NALCN: variants seen among roughly 807,000 people sequenced by gnomAD.
NALCN encodes the protein sodium leak channel, non-selective, also known as sodium leak channel NALCN.
In NALCN, 111 loss-of-function variants were observed where a neutral mutation model predicts 225.3. The ratio of observed to expected loss-of-function variants is 0.49; its 90% CI spans 0.42 to 0.58. NALCN has a LOEUF of 0.58. Among genes scored for constraint, NALCN ranks in the 20% least tolerant of loss-of-function variants. The pLI is 0.00. For synonymous variants in NALCN, 764 were observed against 769.0 expected (o/e 0.99, Z 0.11); for missense variants, 1,378 against 2,202.4 (o/e 0.63, Z 7.49).
At chr13:101,103,129 G>C (rs9300647) in intron 26 of NALCN, 43 bp downstream of exon 26, 3 of 1,589,542 alleles carry the variant, frequency 1.9e-6, no homozygotes, top group Non-Finnish European at 2.6e-6. Context: ...TGCATTAGAG[G>C]TGGACTACTG....
intron 6 of NALCN, among the ~76,000 whole-genome samples, chr13:101,363,511 T>G: frequency 6.6e-6 from 1 of 152,134 alleles, no homozygotes; most frequent in African/African-American, 2.4e-5. Context: ...CAAATGGTGC[T>G]GGGAAAAATG....
At chr13:101,367,179 C>T (rs2139385408) in intron 6 of NALCN, among the ~76,000 whole-genome samples, 1 of 151,778 alleles carries the variant, frequency 6.6e-6, no homozygotes, top group East Asian at 1.9e-4. Flanking sequence ...ATGGACTCTG[C>T]AGTTGTAGAA....
At chr13:101,365,959 G>A (rs917341521) in intron 6 of NALCN, among the ~76,000 whole-genome samples, 1 of 151,988 alleles carries the variant, frequency 6.6e-6, no homozygotes, top group Non-Finnish European at 1.5e-5. Flanking sequence ...ATTTGATACC[G>A]AGCTATGAAT....
intron 10 of NALCN, among the ~76,000 whole-genome samples, chr13:101,276,097 C>T (rs1193729486): frequency 8.0e-6 from 1 of 124,822 alleles, no homozygotes; most frequent in Admixed American, 8.8e-5. Context: ...AAAAAAGGAA[C>T]AGGCACGAGG....
chr13:101,359,257 T>C (rs2046154462), intron 6 of NALCN, among the ~76,000 whole-genome samples: 1 of 152,130 alleles, frequency 6.6e-6, no homozygotes, highest in South Asian at 2.1e-4. Context: ...AGAAAATACT[T>C]ATTTAACAGG....
chr13:101,160,907 T>C (rs2038152022), intron 15 of NALCN, among the ~76,000 whole-genome samples: 1 of 152,202 alleles, frequency 6.6e-6, no homozygotes, highest in African/African-American at 2.4e-5. Context: ...ACAGAAAATG[T>C]TGACTATTTG....
intron 7 of NALCN, among the ~76,000 whole-genome samples, chr13:101,319,450 A>G (rs1446817299): frequency 6.6e-6 from 1 of 152,224 alleles, no homozygotes; most frequent in Non-Finnish European, 1.5e-5. Flanking sequence ...GCTTTAAATA[A>G]TGAAATACTC....
At chr13:101,334,091 G>T (rs1282312511) in intron 7 of NALCN, among the ~76,000 whole-genome samples, 1 of 152,062 alleles carries the variant, frequency 6.6e-6, no homozygotes, top group African/African-American at 2.4e-5. Context: ...GACATCAAAA[G>T]AAGTGCCTGA....
chr13:101,202,645 G>A (rs549094563), intron 13 of NALCN, among the ~76,000 whole-genome samples: 187 of 152,246 alleles, frequency 1.2e-3, no homozygotes, highest in African/African-American at 4.3e-3. Flanking sequence ...GCCCTGTGGA[G>A]AGAGCTATAT....
At chr13:101,387,928 G>T (rs1004920797) in intron 3 of NALCN, among the ~76,000 whole-genome samples, 9 of 152,080 alleles carry the variant, frequency 5.9e-5, no homozygotes, top group African/African-American at 1.9e-4. Flanking sequence ...TGTGACAAAG[G>T]ACATTTTGCT....
chr13:101,253,100 T>C (rs767754520), intron 11 of NALCN, among the ~76,000 whole-genome samples: 10 of 152,118 alleles, frequency 6.6e-5, no homozygotes, highest in Non-Finnish European at 1.2e-4. Context: ...TTCTCTTAGA[T>C]CACAATGAAA....
chr13:101,233,905 G>C (rs2041451924), intron 12 of NALCN, among the ~76,000 whole-genome samples: 1 of 152,136 alleles, frequency 6.6e-6, no homozygotes, highest in Non-Finnish European at 1.5e-5. Flanking sequence ...CCCTGCATTG[G>C]TTGCAGCCCA....
chr13:101,146,775 T>C (rs762894432), intron 15 of NALCN, among the ~76,000 whole-genome samples: 1 of 152,092 alleles, frequency 6.6e-6, no homozygotes, highest in Non-Finnish European at 1.5e-5. Context: ...TCAGGGGATA[T>C]AAAAAGAAAT....
In NALCN at chr13:101,179,079, T is replaced by C. The variant is rs141972295; in HGVS notation, c.1765-2705A>G. Among the ~76,000 whole-genome samples the C allele has an allele frequency of 7.9e-3, 1,209 of 152,276 alleles. 14 individuals carry two copies. Among genetic ancestry groups the C allele is most frequent in the South Asian group, 0.051 (244 of 4,820 alleles). On this transcript the variant is annotated intron_variant, in intron 14 of 43. Coordinates refer to ENST00000251127, the MANE Select transcript of NALCN (RefSeq NM_052867.4). ...CAAACAGTTGACTGGACTCCATGGA[T>C]GTGTGAGGCACTGCCTGGTCTGATA... is the stretch of plus-strand genomic sequence containing the variant.
intron 11 of NALCN, among the ~76,000 whole-genome samples, chr13:101,244,194 C>A (rs2041825708): frequency 6.6e-6 from 1 of 151,804 alleles, no homozygotes; most frequent in African/African-American, 2.4e-5. Flanking sequence ...GAGTGGTGAT[C>A]CATTTTAAAG....
At chr13:101,175,259 G>GA (rs1555305374) in intron 15 of NALCN, among the ~76,000 whole-genome samples, 1 of 144,606 alleles carries the variant, frequency 6.9e-6, no homozygotes, top group Non-Finnish European at 1.5e-5. Flanking sequence ...TGTTTGTTCT[G>GA]TTTTTTTTTT....
intron 27 of NALCN, among the ~76,000 whole-genome samples, chr13:101,097,055 C>T (rs1464497124): frequency 2.0e-5 from 3 of 152,170 alleles, no homozygotes; most frequent in Non-Finnish European, 4.4e-5. Flanking sequence ...CTTTCCCTGT[C>T]CTTCTTGGCC....
At chr13:101,096,581 G>A (rs886974922) in intron 27 of NALCN, among the ~76,000 whole-genome samples, 1 of 151,984 alleles carries the variant, frequency 6.6e-6, no homozygotes, top group African/African-American at 2.4e-5. Context: ...CTAAAGGGAT[G>A]GGGGTAATAG....
chr13:101,227,772 C>G (rs572925387), intron 13 of NALCN, among the ~76,000 whole-genome samples: 2 of 152,264 alleles, frequency 1.3e-5, no homozygotes, highest in South Asian at 4.1e-4. Context: ...ATGACAGATA[C>G]GATCACACTT....
Sources: gnomAD v4.1 joint callset for allele counts (sites outside exome capture counted in the v4.1 genomes callset) on GRCh38, gnomAD v4.1.1 for gene constraint, MANE v1.5 for transcripts, NCBI Gene and HGNC (gene_info 2026-07-23, HGNC 2026-07-21) for gene names.